IL23R: variants seen among roughly 807,000 people sequenced by gnomAD.
The protein encoded by IL23R is interleukin 23 receptor.
A neutral mutation model predicts 56.9 loss-of-function variants in IL23R; 34 were observed. That is an observed-to-expected ratio of 0.60 (90% CI 0.45 to 0.80). The LOEUF is 0.80. IL23R is among the 30% of genes least tolerant of loss of function. The probability of loss-of-function intolerance (pLI) is 0.00; values close to 1 mark genes in which losing one functional copy is unlikely to be tolerated. For missense variants in IL23R, 635 were observed against 730.0 expected, an observed-to-expected ratio of 0.87 and a Z score of 1.50; for synonymous variants, 230 against 249.2, an observed-to-expected ratio of 0.92 and a Z score of 0.73.
chr1:67,247,616 A>C (rs573852344), intron 9 of IL23R, among the ~76,000 whole-genome samples: 4 of 152,176 alleles, frequency 2.6e-5, no homozygotes, highest in African/African-American at 9.6e-5. Flanking sequence ...GTCCATTTAC[A>C]TTTAAGGTTA....
intron 1 of IL23R, among the ~76,000 whole-genome samples, chr1:67,144,869 A>C (rs1646666408): frequency 6.6e-6 from 1 of 152,040 alleles, no homozygotes; most frequent in African/African-American, 2.4e-5. Context: ...TCTCACTCTG[A>C]TCTATCTCTG....
At chr1:67,246,571 C>A (rs1203703746) in intron 9 of IL23R, among the ~76,000 whole-genome samples, 1 of 152,026 alleles carries the variant, frequency 6.6e-6, no homozygotes, top group Non-Finnish European at 1.5e-5. Flanking sequence ...TGTTATTTAC[C>A]CAGTAGTCAC....
chr1:67,250,744 C>A (rs1652550436), intron 9 of IL23R, among the ~76,000 whole-genome samples: 2 of 152,262 alleles, frequency 1.3e-5, no homozygotes, highest in South Asian at 2.1e-4. Context: ...ATGAACATCA[C>A]ACACACAACA....
intron 9 of IL23R, among the ~76,000 whole-genome samples, chr1:67,252,669 A>G (rs1461720360): frequency 6.6e-6 from 1 of 152,104 alleles, no homozygotes; most frequent in Non-Finnish European, 1.5e-5. Flanking sequence ...TTCTGACACC[A>G]TCTAGTAAAA....
intron 5 of IL23R, among the ~76,000 whole-genome samples, chr1:67,204,853 G>A (rs1321151): frequency 0.82 from 124,223 of 151,534 alleles, 51,506 homozygotes; most frequent in East Asian, 0.99. Context: ...ATCTCAGCTC[G>A]CTGCAACCTC....
intron 8 of IL23R, among the ~76,000 whole-genome samples, 198 bp downstream of exon 8, chr1:67,237,000 C>T (rs956569151): frequency 6.6e-6 from 1 of 151,946 alleles, no homozygotes; most frequent in African/African-American, 2.4e-5. Flanking sequence ...TGGATTTTGC[C>T]GGCTTTTGCA....
rs554782697 is a variant in IL23R at position 67,234,198 on chromosome 1, T to C, written c.956-2515T>C. Among the ~76,000 whole-genome samples the C allele has an allele frequency of 1.2e-4, 18 of 152,340 alleles. 1 individual carries two copies. Among genetic ancestry groups the C allele is most frequent in the Admixed American group, 5.2e-4 (8 of 15,298 alleles). On this transcript the variant is annotated intron_variant, in intron 7 of 10. Transcript: ENST00000347310. Reference sequence around the variant, plus strand: ...GTAGCCACGTGGTGGCAGTATTCCATGAAGAATGTAATCTACATAGCTTTG... The same window carrying C: ...GTAGCCACGTGGTGGCAGTATTCCACGAAGAATGTAATCTACATAGCTTTG...
At chr1:67,227,945 T>TCTTA (rs1650736423) in intron 7 of IL23R, among the ~76,000 whole-genome samples, 1 of 3,996 alleles carries the variant, frequency 2.5e-4, no homozygotes, top group Non-Finnish European at 8.4e-4. Flanking sequence ...CAAAGATCTT[T>TCTTA]CTTTCTTTCT....
downstream of IL23R, among the ~76,000 whole-genome samples, chr1:67,264,598 C>T (rs1286945027): frequency 1.3e-5 from 2 of 152,254 alleles, no homozygotes; most frequent in East Asian, 1.9e-4. Flanking sequence ...GTAGTTAAGA[C>T]AAAATTACAA....
chr1:67,227,858 C>CTGATATTTCTT (rs1650720025), intron 7 of IL23R, among the ~76,000 whole-genome samples: 1 of 152,150 alleles, frequency 6.6e-6, no homozygotes, highest in African/African-American at 2.4e-5. Context: ...TGATAAACCA[C>CTGATATTTCTT]CAAGTTTCTG....
chr1:67,217,412 C>A (rs143767597), intron 6 of IL23R, among the ~76,000 whole-genome samples: 58 of 152,240 alleles, frequency 3.8e-4, no homozygotes, highest in Non-Finnish European at 7.1e-4. Flanking sequence ...AGTTCCATAA[C>A]GTTCTTCTTA....
chr1:67,248,441 T>G (rs1652388060), intron 9 of IL23R, among the ~76,000 whole-genome samples: 1 of 152,238 alleles, frequency 6.6e-6, no homozygotes, highest in Non-Finnish European at 1.5e-5. Context: ...ACGAAGTTCT[T>G]GTGCTGTGTT....
intron 1 of IL23R, among the ~76,000 whole-genome samples, chr1:67,159,609 T>C (rs1466801758): frequency 6.6e-6 from 1 of 152,104 alleles, no homozygotes; most frequent in African/African-American, 2.4e-5. Flanking sequence ...AAATGATAAA[T>C]AATAATTCTC....
At chr1:67,172,774 C>T (rs1476406227) in intron 3 of IL23R, among the ~76,000 whole-genome samples, 1 of 152,140 alleles carries the variant, frequency 6.6e-6, no homozygotes, top group African/African-American at 2.4e-5. Flanking sequence ...GATTACGGAA[C>T]AATTAGGCTG....
At chr1:67,254,682 A>T (rs1338165247) in intron 9 of IL23R, among the ~76,000 whole-genome samples, 1 of 152,214 alleles carries the variant, frequency 6.6e-6, no homozygotes, top group African/African-American at 2.4e-5. Flanking sequence ...TTTGAGAACC[A>T]ATTTAAACAA....
chr1:67,158,530 C>T (rs562772709), intron 1 of IL23R, among the ~76,000 whole-genome samples: 109 of 152,182 alleles, frequency 7.2e-4, no homozygotes, highest in Admixed American at 1.2e-3. Flanking sequence ...TTAGGAAAAG[C>T]GTGGCAACTC....
At chr1:67,179,411 G>A (rs1647057809) in intron 3 of IL23R, among the ~76,000 whole-genome samples, 1 of 152,190 alleles carries the variant, frequency 6.6e-6, no homozygotes. Flanking sequence ...GCATCAAGGT[G>A]TTTATAGTAT....
intron 4 of IL23R, among the ~76,000 whole-genome samples, chr1:67,192,067 G>A (rs114162421): frequency 0.016 from 2,490 of 152,306 alleles, 27 homozygotes; most frequent in Non-Finnish European, 0.026. Flanking sequence ...TGGCAAGCCA[G>A]CAGTGCATTT....
chr1:67,168,022 A>G (rs1646894350), intron 1 of IL23R, 70 bp from the exon 2 acceptor site: 2 of 880,312 alleles, frequency 2.3e-6, no homozygotes, highest in Non-Finnish European at 3.7e-6. Context: ...ATTCTTAGGG[A>G]AAAATGTTAT....
Sources: gnomAD v4.1 joint callset for allele counts (sites outside exome capture counted in the v4.1 genomes callset) on GRCh38, gnomAD v4.1.1 for gene constraint, MANE v1.5 for transcripts, NCBI Gene and HGNC (gene_info 2026-07-23, HGNC 2026-07-21) for gene names.